The following TSHZ3 variants were observed in gnomAD, a reference collection of about 807,000 sequenced individuals.
TSHZ3 encodes teashirt zinc finger homeobox 3, also known as teashirt homolog 3.
Under a neutral mutation model 64.5 loss-of-function variants are expected in TSHZ3, and 10 were observed. That is an observed-to-expected ratio of 0.16 (90% CI 0.10 to 0.26). TSHZ3 has a LOEUF of 0.26. TSHZ3 is among the 10% of genes least tolerant of loss of function. TSHZ3 has a pLI of 1.00. For synonymous variants in TSHZ3, 608 were observed against 593.1 expected, an observed-to-expected ratio of 1.03 and a Z score of -0.36; for missense variants, 1,242 against 1,421.7, an observed-to-expected ratio of 0.87 and a Z score of 2.03.
intron 1 of TSHZ3, among the ~76,000 whole-genome samples, chr19:31,281,355 C>G (rs1170955605): frequency 6.6e-6 from 1 of 152,168 alleles, no homozygotes; most frequent in East Asian, 1.9e-4. Context: ...ACTTTGAGTG[C>G]CAAGATTCCT....
At position 31,349,167 on chromosome 19, in the gene TSHZ3, A is replaced by T; in HGVS notation, c.40+13T>A. On this transcript the variant is annotated intron_variant, in intron 1 of 1. Coordinates refer to ENST00000240587, the MANE Select transcript of TSHZ3 (RefSeq NM_020856.4). ...GGAGGAGGAGAGCAGAAGGAAGGGG[A>T]AGCGGCTCGTACCTGCTGCGCGCCG... 6.5e-7 allele frequency: 1 copy of T among 1,539,690 alleles called. No individual in the cohort carries two copies. The highest frequency in any genetic ancestry group is 8.7e-7 in the Non-Finnish European group (1 of 1,143,392).
At chr19:31,280,039 T>C (rs950224830) in intron 1 of TSHZ3, among the ~76,000 whole-genome samples, 26 of 152,198 alleles carry the variant, frequency 1.7e-4, no homozygotes, top group African/African-American at 5.8e-4. Flanking sequence ...AAAACTAAAT[T>C]TGAAATTAAT....
At chr19:31,194,709 C>T (rs1356276705) in intron 5 of TSHZ3, among the ~76,000 whole-genome samples, 2 of 152,150 alleles carry the variant, frequency 1.3e-5, no homozygotes, top group Non-Finnish European at 2.9e-5. Context: ...AAAAGCAAAA[C>T]AGTGCAGATT....
intron 5 of TSHZ3, among the ~76,000 whole-genome samples, chr19:31,170,952 T>C (rs1462037584): frequency 6.6e-6 from 1 of 152,226 alleles, no homozygotes; most frequent in Non-Finnish European, 1.5e-5. Context: ...AAGAATGATG[T>C]CTTTTTCAGC....
chr19:31,320,985 A>C (rs1186028116), intron 1 of TSHZ3, among the ~76,000 whole-genome samples: 2 of 152,220 alleles, frequency 1.3e-5, no homozygotes, highest in Admixed American at 1.3e-4. Flanking sequence ...CCAGAGCCTC[A>C]AGATCCATCG....
intron 5 of TSHZ3, among the ~76,000 whole-genome samples, chr19:31,158,089 T>C (rs752930443): frequency 6.6e-6 from 1 of 152,234 alleles, no homozygotes; most frequent in Non-Finnish European, 1.5e-5. Flanking sequence ...TAATTTGGAA[T>C]GCCCTAATTG....
intron 1 of TSHZ3, among the ~76,000 whole-genome samples, chr19:31,309,255 G>T (rs1039568665): frequency 6.6e-6 from 1 of 152,222 alleles, no homozygotes; most frequent in African/African-American, 2.4e-5. Context: ...AACCCACCAG[G>T]GTGCGTGATG....
chr19:31,166,567 C>T (rs1974455043), intron 5 of TSHZ3, among the ~76,000 whole-genome samples: 1 of 152,198 alleles, frequency 6.6e-6, no homozygotes, highest in Non-Finnish European at 1.5e-5. Context: ...CCCTCCTCCA[C>T]TGGATGCTGG....
chr19:31,332,228 T>C (rs573161562), intron 1 of TSHZ3, among the ~76,000 whole-genome samples: 1 of 152,196 alleles, frequency 6.6e-6, no homozygotes, highest in African/African-American at 2.4e-5. Flanking sequence ...TGGAATTTCA[T>C]GATATGTTTA....
exon 7 of TSHZ3, among the ~76,000 whole-genome samples, chr19:31,150,100 C>T (rs1345656316): frequency 6.6e-6 from 1 of 152,134 alleles, no homozygotes; most frequent in East Asian, 1.9e-4. Context: ...GAATGGATCT[C>T]GTTTAATTTG....
At chr19:31,157,655 A>T (rs1162907926) in intron 5 of TSHZ3, among the ~76,000 whole-genome samples, 1 of 152,244 alleles carries the variant, frequency 6.6e-6, no homozygotes, top group Non-Finnish European at 1.5e-5. Flanking sequence ...ATATATGGCT[A>T]TATACCTAAG....
chr19:31,311,748 G>A (rs1916464744), intron 1 of TSHZ3, among the ~76,000 whole-genome samples: 1 of 152,108 alleles, frequency 6.6e-6, no homozygotes, highest in African/African-American at 2.4e-5. Context: ...ATTTTTGAGA[G>A]AGTCTCTCTC....
intron 5 of TSHZ3, among the ~76,000 whole-genome samples, chr19:31,189,764 C>G (rs547614232): frequency 6.6e-6 from 1 of 152,138 alleles, no homozygotes; most frequent in South Asian, 2.1e-4. Context: ...TAATATTGTT[C>G]TTAAAATCTA....
intron 3 of TSHZ3, among the ~76,000 whole-genome samples, chr19:31,242,268 C>T (rs926265172): frequency 1.3e-5 from 2 of 152,136 alleles, no homozygotes; most frequent in East Asian, 1.9e-4. Context: ...AATTGGCTCA[C>T]ATGATTATGG....
At chr19:31,250,449 A>G (rs2145191054) in intron 1 of TSHZ3, among the ~76,000 whole-genome samples, 1 of 152,364 alleles carries the variant, frequency 6.6e-6, no homozygotes, top group East Asian at 1.9e-4. Context: ...ACACAGGTAG[A>G]GAATACATCC....
intron 3 of TSHZ3, among the ~76,000 whole-genome samples, chr19:31,239,279 GTAAT>G (rs1975660003): frequency 6.6e-6 from 1 of 151,988 alleles, no homozygotes; most frequent in Non-Finnish European, 1.5e-5. Context: ...TATGTGATAA[GTAAT>G]TAGTTTTATT....
rs753103986 is a variant in TSHZ3 at position 31,277,876 on chromosome 19, C to T, written c.1917G>A (p.Lys639=). The T allele has an allele frequency of 4.3e-6, 7 of 1,609,296 alleles. No individual in the cohort carries two copies. The Admixed American group carries it at 1.2e-4, about 27-fold the overall frequency. Reference sequence around the variant, plus strand: ...TGCTACATGGGGAGGGAGTGGCCCGCTTGGGCGGGGAAAGCTTCCCATCCG... The same window carrying T: ...TGCTACATGGGGAGGGAGTGGCCCGTTTGGGCGGGGAAAGCTTCCCATCCG... The part of the protein sequence containing the change: ...KEPDGKLSPP[K]RATPSPCSSE... The change falls in exon 2 of 2, where the codon AAG becomes AAA. Residue 639 remains lysine (K), a synonymous_variant. Coordinates refer to ENST00000240587, the MANE Select transcript of TSHZ3 (RefSeq NM_020856.4). The surrounding 1 kb of genome is among the most constrained non-coding windows in gnomAD (Gnocchi z 4.5).
intron 1 of TSHZ3, among the ~76,000 whole-genome samples, chr19:31,316,722 T>G (rs1916612891): frequency 6.6e-6 from 1 of 152,064 alleles, no homozygotes. Context: ...AAGTGTCTGC[T>G]TTCCACCTCA....
chr19:31,271,863 A>G (rs1171900988), downstream of TSHZ3, among the ~76,000 whole-genome samples: 2 of 152,214 alleles, frequency 1.3e-5, no homozygotes, highest in Non-Finnish European at 2.9e-5. Flanking sequence ...AGCTAAGACG[A>G]TAATAGCTAT....
Sources: allele counts gnomAD v4.1 joint callset (sites outside exome capture counted in the v4.1 genomes callset), GRCh38; gene constraint gnomAD v4.1.1; non-coding constraint Gnocchi (gnomAD v3.1); transcripts MANE v1.5; gene names NCBI Gene and HGNC (gene_info 2026-07-23, HGNC 2026-07-21).